Variants in CRYM observed in about 807,000 individuals in gnomAD.
The protein encoded by CRYM is crystallin mu.
A neutral mutation model predicts 32.9 loss-of-function variants in CRYM; 18 were observed. That is an observed-to-expected ratio of 0.55 (90% CI 0.38 to 0.81). CRYM has a LOEUF of 0.81. CRYM is among the 30% of genes least tolerant of loss of function. The pLI is 0.00. For missense variants in CRYM, 337 were observed against 393.5 expected (o/e 0.86, Z 1.21); for synonymous variants, 153 against 152.4 (o/e 1.00, Z -0.03).
chr16:21,293,188 C>T (rs973618089), intron 1 of CRYM, among the ~76,000 whole-genome samples: 1 of 152,124 alleles, frequency 6.6e-6, no homozygotes, highest in Non-Finnish European at 1.5e-5. Flanking sequence ...CCTGTAAAAG[C>T]TTGTGATTAT....
chr16:21,298,011 T>C (rs909049291), intron 1 of CRYM, among the ~76,000 whole-genome samples: 2 of 152,256 alleles, frequency 1.3e-5, no homozygotes, highest in Admixed American at 6.5e-5. Context: ...TACCAATTGA[T>C]ATATCATTTT....
intron 4 of CRYM, 30 bp downstream of exon 4, chr16:21,269,760 C>A (rs777370869): frequency 1.1e-6 from 1 of 891,962 alleles, no homozygotes; most frequent in East Asian, 2.8e-5. Context: ...CCCCTTCCCT[C>A]TTCTCTCCCA....
chr16:21,275,733 G>A lies in CRYM; in HGVS notation c.325-139C>T, dbSNP rs536380378. 1,514 of 698,810 alleles carry A rather than the reference G, an allele frequency of 2.2e-3. 46 individuals are homozygous for A. In the South Asian group the frequency reaches 0.022, roughly 10 times the overall value. 43.3% of individuals were successfully genotyped at this position (698,810 alleles called of 1,614,324 possible). A position where few individuals can be genotyped will look rare whatever the true frequency, so the allele number is the denominator to read the frequency against. ...TGGGTTTGGCGTCAGACCTGGATCCGATTCCTCCACTTACGAGATATGCAA... is the reference window on the plus strand; with the variant it reads ...TGGGTTTGGCGTCAGACCTGGATCCAATTCCTCCACTTACGAGATATGCAA... On this transcript the variant is annotated intron_variant, in intron 2 of 7. Coordinates refer to ENST00000572914, the MANE Select transcript of CRYM (RefSeq NM_001376256.1).
intron 3 of CRYM, among the ~76,000 whole-genome samples, chr16:21,271,652 ATAAT>A (rs1567233830): frequency 6.6e-6 from 1 of 152,168 alleles, no homozygotes; most frequent in East Asian, 1.9e-4. Context: ...TCTGATAAGG[ATAAT>A]TAGATTTTTT....
intron 1 of CRYM, among the ~76,000 whole-genome samples, chr16:21,299,464 A>G (rs1177763672): frequency 6.6e-6 from 1 of 152,064 alleles, no homozygotes; most frequent in Non-Finnish European, 1.5e-5. Flanking sequence ...GTGCACCACC[A>G]CTGCTCGGCT....
intron 3 of CRYM, among the ~76,000 whole-genome samples, chr16:21,274,836 G>C (rs9928579): frequency 0.27 from 40,821 of 152,018 alleles, 5,931 homozygotes; most frequent in African/African-American, 0.36. Context: ...CAACTCCTGA[G>C]CTCAAGTGAT....
chr16:21,298,865 C>T (rs1269523792), intron 1 of CRYM, among the ~76,000 whole-genome samples: 1 of 152,112 alleles, frequency 6.6e-6, no homozygotes, highest in Non-Finnish European at 1.5e-5. Flanking sequence ...AAGAAAAATC[C>T]CACACTGTTA....
chr16:21,301,666 C>T (rs866818213), intron 1 of CRYM, among the ~76,000 whole-genome samples: 3 of 152,232 alleles, frequency 2.0e-5, no homozygotes, highest in Admixed American at 6.5e-5. Context: ...GACAGCTTCA[C>T]CCGCACCTCC....
chr16:21,266,930 C>T (rs1442893837), intron 5 of CRYM, among the ~76,000 whole-genome samples: 5 of 151,722 alleles, frequency 3.3e-5, no homozygotes, highest in Admixed American at 1.3e-4. Flanking sequence ...TCGCTTGAAC[C>T]CAGGAGGCAG....
chr16:21,269,855 G>A lies in CRYM; in HGVS notation c.424C>T (p.Leu142Phe), dbSNP rs541778872. Residue 142 changes from leucine (L) to phenylalanine (F), a missense_variant, in exon 4 of 8, where the codon CTT becomes TTT. Leu to Phe is a conservative substitution (Grantham distance 22, BLOSUM62 0). Transcript: ENST00000572914. Reference sequence around the variant, plus strand: ...CTGTAGGCCTGGACCCCAGCCCCAAGGATGCACAGCACTTCACTGCTGGGA... The same window carrying A: ...CTGTAGGCCTGGACCCCAGCCCCAAAGATGCACAGCACTTCACTGCTGGGA... ...KPPSSEVLCI[L>F]GAGVQAYSHY... 4.5e-6 allele frequency: 7 copies of A among 1,542,098 alleles called. No homozygotes were observed. The highest frequency in any genetic ancestry group is 6.2e-6 in the Non-Finnish European group (7 of 1,136,326).
intron 3 of CRYM, among the ~76,000 whole-genome samples, chr16:21,274,848 C>T (rs1434681978): frequency 6.6e-5 from 10 of 152,186 alleles, no homozygotes; most frequent in Admixed American, 1.3e-4. Flanking sequence ...TCAAGTGATA[C>T]GCCTGCCTCA....
chr16:21,287,761 C>T (rs1478023505), intron 1 of CRYM, among the ~76,000 whole-genome samples: 4 of 152,254 alleles, frequency 2.6e-5, no homozygotes, highest in Admixed American at 2.6e-4. Context: ...GGCACAGAAG[C>T]TCTGTGTCCC....
chr16:21,275,543 T>C lies in CRYM; in HGVS notation c.376A>G (p.Ile126Val). 1.2e-6 allele frequency: 2 copies of C among 1,614,054 alleles called. No individual in the cohort carries two copies. The highest frequency in any genetic ancestry group is 1.3e-5 in the African/African-American group (1 of 75,052). ...TAKRTAAVSA[I>V]ATKFLKPPSS... ...GCCATTCATCTTACCTTGGTGGCAATGGCAGAAACTGCAGCTGTTCTCTTT... is the reference window on the plus strand; with the variant it reads ...GCCATTCATCTTACCTTGGTGGCAACGGCAGAAACTGCAGCTGTTCTCTTT... Residue 126 changes from isoleucine to valine, a missense_variant, in exon 3 of 8, where the codon ATT (isoleucine) becomes GTT (valine). By Grantham distance (29) the Ile-to-Val change is conservative (BLOSUM62 3). Transcript: ENST00000572914.
intron 1 of CRYM, among the ~76,000 whole-genome samples, chr16:21,294,371 C>T (rs1255538721): frequency 6.6e-6 from 1 of 152,174 alleles, no homozygotes; most frequent in Non-Finnish European, 1.5e-5. Flanking sequence ...TTCCGGGATA[C>T]ATGTGCAGAA....
intron 1 of CRYM, among the ~76,000 whole-genome samples, chr16:21,297,058 A>C (rs990595081): frequency 2.0e-5 from 3 of 151,684 alleles, no homozygotes; most frequent in Non-Finnish European, 4.4e-5. Context: ...AGAAAAACAC[A>C]AGCAAGGTTT....
chr16:21,276,315 A>AC (rs551018846), intron 2 of CRYM, among the ~76,000 whole-genome samples: 1 of 152,150 alleles, frequency 6.6e-6, no homozygotes, highest in African/African-American at 2.4e-5. Flanking sequence ...CTTGGGTTCT[A>AC]CCCCCCTAGG....
At chr16:21,279,878 TG>T (rs11312171), upstream of CRYM, among the ~76,000 whole-genome samples, 37,296 of 152,012 alleles carry the variant, frequency 0.25, 4,819 homozygotes, top group African/African-American at 0.3. Context: ...AGAGTAGCCA[TG>T]TAATAAGTGA....
chr16:21,290,462 TG>T (rs1166231320), intron 1 of CRYM, among the ~76,000 whole-genome samples: 2 of 152,116 alleles, frequency 1.3e-5, no homozygotes, highest in Non-Finnish European at 2.9e-5. Context: ...GGAACAACTC[TG>T]GACACACCAT....
intron 1 of CRYM, among the ~76,000 whole-genome samples, chr16:21,301,730 T>G (rs1960943621): frequency 6.6e-6 from 1 of 152,142 alleles, no homozygotes; most frequent in Non-Finnish European, 1.5e-5. Context: ...CCCCCAGCCC[T>G]AGTGCAGCCA....
Sources: gnomAD v4.1 joint callset for allele counts (sites outside exome capture counted in the v4.1 genomes callset) on GRCh38, gnomAD v4.1.1 for gene constraint, MANE v1.5 for transcripts, NCBI Gene and HGNC (gene_info 2026-07-23, HGNC 2026-07-21) for gene names.